Variants in CHLSN observed in about 807,000 individuals in gnomAD.
CHLSN encodes protein cholesin.
At chr7:987,143 G>T in the CHLSN span, 1 of 1,573,292 alleles carries the variant, frequency 6.4e-7, no homozygotes. Flanking sequence ...TGAGGCCAAC[G>T]CGGTGGCCTG....
At chr7:1,094,952 C>T in the CHLSN span, among the ~76,000 whole-genome samples, 3 of 152,306 alleles carry the variant, frequency 2.0e-5, no homozygotes, top group East Asian at 3.9e-4. Context: ...CACCGGGAAG[C>T]CTGGGAACAG....
At chr7:1,057,102 C>T in the CHLSN span, among the ~76,000 whole-genome samples, 46 of 152,212 alleles carry the variant, frequency 3.0e-4, no homozygotes, top group Middle Eastern at 6.8e-3. Flanking sequence ...CTGTCCCTCC[C>T]GGCGCTGGCA....
At chr7:1,103,149 A>G in the CHLSN span, among the ~76,000 whole-genome samples, 1 of 152,192 alleles carries the variant, frequency 6.6e-6, no homozygotes, top group Non-Finnish European at 1.5e-5. Flanking sequence ...CAGTTCACAC[A>G]TAAACGGTGT....
At chr7:1,100,207 G>A in the CHLSN span, among the ~76,000 whole-genome samples, 5 of 152,212 alleles carry the variant, frequency 3.3e-5, no homozygotes, top group African/African-American at 1.2e-4. Context: ...ACCCTGCCCC[G>A]TATGAGCCCT....
At chr7:1,003,946 C>A in the CHLSN span, among the ~76,000 whole-genome samples, 1 of 114,852 alleles carries the variant, frequency 8.7e-6, no homozygotes, top group East Asian at 2.7e-4. Flanking sequence ...GGTGGGGAGT[C>A]CTGTGGGTGA....
the CHLSN span, chr7:988,426 G>GC: frequency 6.2e-7 from 1 of 1,612,314 alleles, no homozygotes; most frequent in South Asian, 1.1e-5. Context: ...CAGGTCAGCA[G>GC]CCCTCGGGGC....
chr7:1,021,603 G>C, the CHLSN span: 39 of 978,360 alleles, frequency 4.0e-5, no homozygotes, highest in Admixed American at 6.2e-5. Flanking sequence ...TGTTGGATGG[G>C]AGAGGGACAA....
the CHLSN span, among the ~76,000 whole-genome samples, chr7:979,508 T>C: frequency 6.6e-6 from 1 of 152,026 alleles, no homozygotes; most frequent in Non-Finnish European, 1.5e-5. Context: ...TCCCAGCACT[T>C]TGGGTGGCCA....
At chr7:1,065,456 C>T in the CHLSN span, among the ~76,000 whole-genome samples, 4 of 152,242 alleles carry the variant, frequency 2.6e-5, no homozygotes, top group Non-Finnish European at 4.4e-5. Flanking sequence ...ATGTGGCCTG[C>T]GCATCGAAGG....
At chr7:1,076,794 C>G in the CHLSN span, among the ~76,000 whole-genome samples, 1 of 152,262 alleles carries the variant, frequency 6.6e-6, no homozygotes, top group African/African-American at 2.4e-5. Context: ...GGGAGGAGAG[C>G]ATGGGGACTT....
At chr7:1,082,535 G>A in the CHLSN span, among the ~76,000 whole-genome samples, 21 of 152,338 alleles carry the variant, frequency 1.4e-4, no homozygotes, top group Middle Eastern at 3.4e-3. Context: ...GGGCTCACAG[G>A]AGGAGGGGCC....
At chr7:1,109,781 C>A in the CHLSN span, among the ~76,000 whole-genome samples, 1 of 152,244 alleles carries the variant, frequency 6.6e-6, no homozygotes, top group South Asian at 2.1e-4. Flanking sequence ...CCTGGGGCAG[C>A]ACAGCTTCCC....
chr7:1,115,099 C>G, the CHLSN span, among the ~76,000 whole-genome samples: 1 of 152,244 alleles, frequency 6.6e-6, no homozygotes, highest in Non-Finnish European at 1.5e-5. Context: ...GGAGACAATT[C>G]AAAGTCTCTA....
chr7:1,100,378 C>T, the CHLSN span, among the ~76,000 whole-genome samples: 2 of 152,238 alleles, frequency 1.3e-5, no homozygotes, highest in Non-Finnish European at 2.9e-5. Flanking sequence ...AGAGTGGACA[C>T]CAGAGGCAGG....
chr7:1,092,748 G>T, the CHLSN span: 1 of 1,613,668 alleles, frequency 6.2e-7, no homozygotes, highest in East Asian at 2.2e-5. Context: ...TGTACATTGA[G>T]CAGAAAACAA....
At chr7:980,690 T>C in the CHLSN span, among the ~76,000 whole-genome samples, 1 of 145,420 alleles carries the variant, frequency 6.9e-6, no homozygotes, top group Non-Finnish European at 1.5e-5. Flanking sequence ...GTTACTTTTT[T>C]TTTTTTTTTT....
chr7:1,119,932 C>T, the CHLSN span, among the ~76,000 whole-genome samples: 2 of 150,556 alleles, frequency 1.3e-5, no homozygotes, highest in African/African-American at 4.9e-5. Flanking sequence ...GCAAGTGTAT[C>T]TTTCTTTTAG....
the CHLSN span, among the ~76,000 whole-genome samples, chr7:983,620 C>T: frequency 8.2e-3 from 1,255 of 152,288 alleles, 12 homozygotes; most frequent in African/African-American, 0.029. Flanking sequence ...ACCCAGGGCC[C>T]GGCGCGGGAG....
the CHLSN span, among the ~76,000 whole-genome samples, chr7:1,081,597 C>T: frequency 4.6e-5 from 7 of 152,238 alleles, no homozygotes; most frequent in Non-Finnish European, 7.3e-5. Flanking sequence ...ACGCTTACGT[C>T]GTTTGGTAGC....
Sources: gnomAD v4.1 joint callset for allele counts (sites outside exome capture counted in the v4.1 genomes callset) on GRCh38, gnomAD v4.1.1 for gene constraint, MANE v1.5 for transcripts, NCBI Gene and HGNC (gene_info 2026-07-23, HGNC 2026-07-21) for gene names.